WWOX: variants seen among roughly 807,000 people sequenced by gnomAD.
WWOX encodes the protein WW domain-containing oxidoreductase.
In WWOX, 69 loss-of-function variants were observed where a neutral mutation model predicts 46.2. The ratio of observed to expected loss-of-function variants is 1.49; its 90% CI spans 1.23 to 1.82. The LOEUF (loss-of-function observed/expected upper bound fraction) is 1.82, where lower values mean the gene tolerates loss of function less well. Among genes scored for constraint, WWOX ranks in the 40% most tolerant of loss-of-function variants. WWOX has a pLI of 0.00. For synonymous variants in WWOX, 359 were observed against 202.6 expected, an observed-to-expected ratio of 1.77 and a Z score of -6.56; for missense variants, 919 against 542.6, an observed-to-expected ratio of 1.69 and a Z score of -6.89.
chr16:78,455,816 G>A (rs1403307832), intron 8 of WWOX, among the ~76,000 whole-genome samples: 1 of 150,422 alleles, frequency 6.6e-6, no homozygotes, highest in Non-Finnish European at 1.5e-5. Flanking sequence ...AGGCCACCAA[G>A]GACCTCATGT....
chr16:78,240,201 G>A (rs1206674292), intron 5 of WWOX, among the ~76,000 whole-genome samples: 1 of 152,084 alleles, frequency 6.6e-6, no homozygotes, highest in Non-Finnish European at 1.5e-5. Context: ...AAAGCAGGGG[G>A]CACAGTGGTG....
At chr16:78,836,863 G>T (rs1035876066) in intron 8 of WWOX, among the ~76,000 whole-genome samples, 1 of 152,116 alleles carries the variant, frequency 6.6e-6, no homozygotes, top group Non-Finnish European at 1.5e-5. Context: ...TTAGCATAGG[G>T]GGCCAAGCAG....
chr16:79,016,276 G>A (rs1055438807), intron 8 of WWOX: 3 of 152,180 alleles, frequency 2.0e-5, no homozygotes, highest in African/African-American at 7.2e-5. Context: ...GAATGAAACT[G>A]CTGCTTAACT....
intron 8 of WWOX, among the ~76,000 whole-genome samples, chr16:79,050,279 G>C (rs1254327398): frequency 6.6e-6 from 1 of 152,134 alleles, no homozygotes; most frequent in East Asian, 1.9e-4. Flanking sequence ...CTGCATCTTT[G>C]CATCAGCTGG....
intron 5 of WWOX, among the ~76,000 whole-genome samples, chr16:78,334,804 ACACG>A (rs1555521504): frequency 1.7e-5 from 1 of 57,900 alleles, no homozygotes; most frequent in Non-Finnish European, 4.0e-5. Flanking sequence ...ACACACACAC[ACACG>A]CACACACACA....
At chr16:78,600,669 C>G (rs1443789034) in intron 8 of WWOX, among the ~76,000 whole-genome samples, 5 of 152,084 alleles carry the variant, frequency 3.3e-5, no homozygotes, top group Non-Finnish European at 7.4e-5. Flanking sequence ...TCAGGAAACC[C>G]TGGTAGCTGA....
chr16:79,183,224 A>C (rs1165147052), intron 8 of WWOX, among the ~76,000 whole-genome samples: 2 of 152,224 alleles, frequency 1.3e-5, no homozygotes, highest in African/African-American at 2.4e-5. Context: ...CTGACCAGCT[A>C]GACTCTTTTC....
At chr16:78,351,470 A>G (rs2081182390) in intron 5 of WWOX, among the ~76,000 whole-genome samples, 1 of 152,116 alleles carries the variant, frequency 6.6e-6, no homozygotes, top group African/African-American at 2.4e-5. Flanking sequence ...GATATCATAT[A>G]CGCTTTAGGT....
intron 8 of WWOX, among the ~76,000 whole-genome samples, chr16:79,056,835 C>T (rs1005348116): frequency 1.3e-5 from 2 of 152,178 alleles, no homozygotes; most frequent in Non-Finnish European, 2.9e-5. Flanking sequence ...TCTGCTTCTT[C>T]CAAATTGTCA....
At chr16:78,580,996 A>G (rs1469627927) in intron 8 of WWOX, among the ~76,000 whole-genome samples, 3 of 152,234 alleles carry the variant, frequency 2.0e-5, no homozygotes, top group Admixed American at 6.5e-5. Flanking sequence ...ACAAAAAAGT[A>G]TATCTGTGAA....
chr16:78,393,628 G>C (rs907144986), intron 6 of WWOX, among the ~76,000 whole-genome samples: 1 of 152,104 alleles, frequency 6.6e-6, no homozygotes. Flanking sequence ...TGCAGTTACT[G>C]GTCAGCTTGT....
intron 8 of WWOX, among the ~76,000 whole-genome samples, chr16:79,058,898 T>G (rs1344891270): frequency 6.6e-6 from 1 of 152,208 alleles, no homozygotes; most frequent in Non-Finnish European, 1.5e-5. Context: ...GACTTACTCC[T>G]CTCCGTACAC....
At chr16:78,987,153 A>G (rs1266121955) in intron 8 of WWOX, among the ~76,000 whole-genome samples, 3 of 152,324 alleles carry the variant, frequency 2.0e-5, no homozygotes, top group South Asian at 2.1e-4. Flanking sequence ...TGTAATTTTC[A>G]GAAGCACACG....
intron 8 of WWOX, among the ~76,000 whole-genome samples, chr16:79,113,200 G>C (rs984540047): frequency 1.3e-5 from 2 of 152,188 alleles, no homozygotes; most frequent in East Asian, 1.9e-4. Context: ...GGAGGGCAGA[G>C]GCATTTTCCC....
intron 8 of WWOX, among the ~76,000 whole-genome samples, chr16:78,524,546 G>A (rs546917500): frequency 4.6e-5 from 7 of 151,764 alleles, no homozygotes; most frequent in East Asian, 1.9e-4. Context: ...TCAGCCTCCC[G>A]AGTAGCTGGG....
intron 5 of WWOX, among the ~76,000 whole-genome samples, chr16:78,216,786 C>T (rs1443001263): frequency 1.3e-5 from 2 of 152,034 alleles, no homozygotes; most frequent in African/African-American, 2.4e-5. Flanking sequence ...GACTGGAGTG[C>T]AGTGGCTTGA....
intron 5 of WWOX, among the ~76,000 whole-genome samples, chr16:78,166,539 TTTTTTCTTTTTTTTC>T (rs2034979879): frequency 6.6e-6 from 1 of 151,636 alleles, no homozygotes; most frequent in African/African-American, 2.4e-5. Context: ...AGTCATTTTC[TTTTTTCTTTTTTTTC>T]TTTTTCTTTT....
intron 5 of WWOX, among the ~76,000 whole-genome samples, chr16:78,373,331 C>T (rs2081739800): frequency 6.6e-6 from 1 of 152,190 alleles, no homozygotes. Flanking sequence ...GTAGGATATC[C>T]AAGCTCATTT....
chr16:78,198,895 G>A (rs181533555), intron 5 of WWOX, among the ~76,000 whole-genome samples: 17 of 152,114 alleles, frequency 1.1e-4, no homozygotes, highest in South Asian at 2.1e-4. Flanking sequence ...TTTGCTCTGG[G>A]AGTTCTTTAC....
Sources: gnomAD v4.1 joint callset for allele counts (sites outside exome capture counted in the v4.1 genomes callset) on GRCh38, gnomAD v4.1.1 for gene constraint, MANE v1.5 for transcripts, NCBI Gene and HGNC (gene_info 2026-07-23, HGNC 2026-07-21) for gene names.